PCSK5: variants seen among roughly 807,000 people sequenced by gnomAD.
PCSK5 encodes proprotein convertase subtilisin/kexin type 5.
A neutral mutation model predicts 233.2 loss-of-function variants in PCSK5; 129 were observed. That is an observed-to-expected ratio of 0.55 (90% CI 0.48 to 0.64). The LOEUF (loss-of-function observed/expected upper bound fraction) is 0.64. Among genes scored for constraint, PCSK5 ranks in the 30% least tolerant of loss-of-function variants. The pLI, the probability that PCSK5 is intolerant of heterozygous loss-of-function variation, is 0.00. For missense variants in PCSK5, 2,076 were observed against 2,430.1 expected, an observed-to-expected ratio of 0.85 and a Z score of 3.06; for synonymous variants, 825 against 879.2, an observed-to-expected ratio of 0.94 and a Z score of 1.09.
At chr9:76,070,295 C>G (rs879764230) in intron 6 of PCSK5, among the ~76,000 whole-genome samples, 1 of 152,180 alleles carries the variant, frequency 6.6e-6, no homozygotes, top group Non-Finnish European at 1.5e-5. Context: ...CCACCGCACC[C>G]GTCCCCAAAA....
chr9:76,109,572 T>C (rs1338751012), intron 9 of PCSK5, among the ~76,000 whole-genome samples: 1 of 151,952 alleles, frequency 6.6e-6, no homozygotes, highest in Admixed American at 6.6e-5. Context: ...TTTTTTTTTT[T>C]TTTTCTCTTT....
At chr9:76,141,837 A>G (rs576553989) in intron 10 of PCSK5, among the ~76,000 whole-genome samples, 6 of 152,166 alleles carry the variant, frequency 3.9e-5, no homozygotes, top group Non-Finnish European at 8.8e-5. Context: ...GGGAACGTGG[A>G]TGGAGCTGGA....
At chr9:75,993,318 A>G (rs139181616) in intron 3 of PCSK5, among the ~76,000 whole-genome samples, 109 of 152,188 alleles carry the variant, frequency 7.2e-4, no homozygotes, top group African/African-American at 2.5e-3. Context: ...GTTTTGTTGT[A>G]CTGGTCCTAG....
chr9:76,299,653 C>T (rs183955301), intron 27 of PCSK5, among the ~76,000 whole-genome samples: 10,245 of 151,846 alleles, frequency 0.067, 388 homozygotes, highest in Non-Finnish European at 0.078. Context: ...GCCTGGGCAA[C>T]AGAGAGACTC....
At chr9:76,308,941 G>A (rs1828784302) in intron 29 of PCSK5, among the ~76,000 whole-genome samples, 1 of 152,222 alleles carries the variant, frequency 6.6e-6, no homozygotes, top group Admixed American at 6.5e-5. Context: ...GAAGTGGTCA[G>A]GTACAGTGGT....
chr9:76,191,290 G>GTTTCCCCTTCTGGAAA (rs1209437267), intron 20 of PCSK5, among the ~76,000 whole-genome samples: 1 of 152,136 alleles, frequency 6.6e-6, no homozygotes, highest in African/African-American at 2.4e-5. Flanking sequence ...TCTTTTGAAT[G>GTTTCCCCTTCTGGAAA]TTTCCCCTTC....
intron 5 of PCSK5, among the ~76,000 whole-genome samples, chr9:76,065,306 C>T (rs536683076): frequency 5.3e-5 from 8 of 152,234 alleles, no homozygotes; most frequent in South Asian, 2.1e-4. Flanking sequence ...ATCATTTCTT[C>T]GATCTGTTTT....
At chr9:75,932,219 A>C (rs924331171) in intron 1 of PCSK5, among the ~76,000 whole-genome samples, 160 bp from the exon 2 acceptor site, 1 of 152,230 alleles carries the variant, frequency 6.6e-6, no homozygotes, top group African/African-American at 2.4e-5. Context: ...AAAAGTGATC[A>C]CCAAGGTTCA....
chr9:76,118,413 A>G (rs1238112916), intron 9 of PCSK5, among the ~76,000 whole-genome samples: 1 of 152,122 alleles, frequency 6.6e-6, no homozygotes, highest in Admixed American at 6.6e-5. Context: ...TTACTTAGCA[A>G]TGAAAGTGAT....
intron 20 of PCSK5, among the ~76,000 whole-genome samples, chr9:76,215,429 A>T (rs1442031542): frequency 1.1e-4 from 4 of 36,552 alleles, no homozygotes; most frequent in Non-Finnish European, 2.0e-4. Context: ...TGGTAGCTGC[A>T]GACCTAAGCC....
At chr9:75,913,022 G>C (rs922669199) in intron 1 of PCSK5, among the ~76,000 whole-genome samples, 1 of 152,120 alleles carries the variant, frequency 6.6e-6, no homozygotes, top group Non-Finnish European at 1.5e-5. Flanking sequence ...CCTGACTCAG[G>C]TGGCTGTCAA....
chr9:75,908,503 AG>A (rs1346501428), intron 1 of PCSK5, among the ~76,000 whole-genome samples: 1 of 152,174 alleles, frequency 6.6e-6, no homozygotes, highest in African/African-American at 2.4e-5. Context: ...CTGGTCAAAA[AG>A]AATTGCTTCT....
At chr9:76,083,824 G>C (rs1830952818) in intron 7 of PCSK5, among the ~76,000 whole-genome samples, 1 of 152,228 alleles carries the variant, frequency 6.6e-6, no homozygotes, top group African/African-American at 2.4e-5. Flanking sequence ...GGACAGAAGA[G>C]ATATAATGAA....
intron 5 of PCSK5, among the ~76,000 whole-genome samples, chr9:76,066,727 C>T (rs1830301290): frequency 6.6e-6 from 1 of 152,084 alleles, no homozygotes; most frequent in Non-Finnish European, 1.5e-5. Context: ...GTATATATCT[C>T]TTTTATGTAA....
At chr9:76,121,486 A>G (rs187414177) in intron 9 of PCSK5, among the ~76,000 whole-genome samples, 1 of 152,174 alleles carries the variant, frequency 6.6e-6, no homozygotes, top group Admixed American at 6.5e-5. Context: ...TTAGTTGTGT[A>G]CCTACAGCAG....
intron 24 of PCSK5, among the ~76,000 whole-genome samples, chr9:76,271,049 T>C (rs747611475): frequency 2.6e-5 from 4 of 152,098 alleles, no homozygotes; most frequent in African/African-American, 4.8e-5. Context: ...ATCCCACTCC[T>C]GAGTCCCAGG....
At chr9:76,339,977 C>T (rs970174536) in intron 35 of PCSK5, among the ~76,000 whole-genome samples, 1 of 152,162 alleles carries the variant, frequency 6.6e-6, no homozygotes, top group Non-Finnish European at 1.5e-5. Context: ...CCAAATATGC[C>T]ATGTTCTTTC....
intron 7 of PCSK5, among the ~76,000 whole-genome samples, chr9:76,089,849 C>T (rs1202907322): frequency 6.6e-6 from 1 of 152,130 alleles, no homozygotes; most frequent in Non-Finnish European, 1.5e-5. Context: ...GTGGCCTTTT[C>T]TGACTTTCTA....
chr9:76,152,460 TG>T (rs1274856455), intron 10 of PCSK5, among the ~76,000 whole-genome samples: 11 of 152,242 alleles, frequency 7.2e-5, no homozygotes, highest in African/African-American at 2.7e-4. Flanking sequence ...TGTTGCTGCT[TG>T]TTTGCCTTAT....
Sources: gnomAD v4.1 joint callset for allele counts (sites outside exome capture counted in the v4.1 genomes callset) on GRCh38, gnomAD v4.1.1 for gene constraint, MANE v1.5 for transcripts, NCBI Gene and HGNC (gene_info 2026-07-23, HGNC 2026-07-21) for gene names.